GALNT13: variants seen among roughly 807,000 people sequenced by gnomAD.
The protein encoded by GALNT13 is polypeptide N-acetylgalactosaminyltransferase 13, also known as UDP-GalNAc:polypeptide N-acetylgalactosaminyltransferase 13.
GALNT13 carries 28 observed loss-of-function variants against 64.2 expected under a neutral mutation model. The ratio of observed to expected loss-of-function variants is 0.44; its 90% confidence interval spans 0.32 to 0.60. The LOEUF is 0.60. Among genes scored for constraint, GALNT13 ranks in the 20% least tolerant of loss-of-function variants. The probability of loss-of-function intolerance (pLI) is 0.05; values close to 1 mark genes in which losing one functional copy is unlikely to be tolerated. For synonymous variants in GALNT13, 214 were observed against 224.6 expected (o/e 0.95, Z 0.42); for missense variants, 577 against 669.8 (o/e 0.86, Z 1.53).
intron 3 of GALNT13, among the ~76,000 whole-genome samples, chr2:154,119,113 G>T (rs1681778598): frequency 6.6e-6 from 1 of 152,002 alleles, no homozygotes; most frequent in Non-Finnish European, 1.5e-5. Flanking sequence ...CTGTAAGGCA[G>T]GTCTAGTGAT....
intron 9 of GALNT13, among the ~76,000 whole-genome samples, chr2:154,389,287 C>G (rs930828098): frequency 6.6e-6 from 1 of 152,070 alleles, no homozygotes; most frequent in Non-Finnish European, 1.5e-5. Context: ...AGGCACCCAC[C>G]ACAACTGGCC....
At chr2:153,313,678 C>T in the GALNT13 span, among the ~76,000 whole-genome samples, 5 of 152,126 alleles carry the variant, frequency 3.3e-5, no homozygotes, top group Non-Finnish European at 5.9e-5. Context: ...CAAACCTGCA[C>T]ACGTACCTCT....
At chr2:153,951,089 T>C (rs1692146479) in intron 3 of GALNT13, among the ~76,000 whole-genome samples, 2 of 151,984 alleles carry the variant, frequency 1.3e-5, no homozygotes, top group Non-Finnish European at 1.5e-5. Flanking sequence ...ATATGGGAAT[T>C]AGGATGTTGT....
the GALNT13 span, among the ~76,000 whole-genome samples, chr2:153,792,172 T>C: frequency 0.098 from 14,859 of 152,262 alleles, 838 homozygotes; most frequent in African/African-American, 0.15. Context: ...TCTATATGTA[T>C]GTAATTACCA....
chr2:153,197,408 C>T, the GALNT13 span, among the ~76,000 whole-genome samples: 4 of 152,322 alleles, frequency 2.6e-5, no homozygotes, highest in African/African-American at 9.6e-5. Flanking sequence ...AAGCTCCAGG[C>T]ATCCAGAAGA....
the GALNT13 span, among the ~76,000 whole-genome samples, chr2:153,298,485 T>G: frequency 6.6e-6 from 1 of 152,338 alleles, no homozygotes. Flanking sequence ...AGTGGTGATC[T>G]CCTATGTCAG....
intron 3 of GALNT13, among the ~76,000 whole-genome samples, chr2:154,018,507 T>G (rs892196618): frequency 2.6e-5 from 4 of 151,846 alleles, no homozygotes; most frequent in Admixed American, 6.6e-5. Flanking sequence ...TTAGCTTGTG[T>G]GTATAGGAAA....
At chr2:153,804,435 C>T in the GALNT13 span, among the ~76,000 whole-genome samples, 1 of 152,110 alleles carries the variant, frequency 6.6e-6, no homozygotes, top group Admixed American at 6.5e-5. Flanking sequence ...CATCAGCATT[C>T]CAAAGTGTCG....
intron 3 of GALNT13, among the ~76,000 whole-genome samples, chr2:154,076,118 T>G (rs578097923): frequency 1.3e-5 from 2 of 151,766 alleles, no homozygotes; most frequent in African/African-American, 4.8e-5. Flanking sequence ...CTCTTCTTCA[T>G]TATAGTACCC....
At chr2:153,924,869 G>A (rs1203416701) in intron 2 of GALNT13, among the ~76,000 whole-genome samples, 2 of 152,072 alleles carry the variant, frequency 1.3e-5, no homozygotes, top group Non-Finnish European at 2.9e-5. Context: ...TTTGAAAAGT[G>A]TCTGCTCATG....
intron 3 of GALNT13, among the ~76,000 whole-genome samples, chr2:154,133,711 G>A (rs970518935): frequency 2.6e-5 from 4 of 151,398 alleles, no homozygotes; most frequent in Non-Finnish European, 5.9e-5. Context: ...CTGATTGAAT[G>A]CACAGTGGCA....
At chr2:153,497,494 CT>C in the GALNT13 span, among the ~76,000 whole-genome samples, 1 of 125,796 alleles carries the variant, frequency 7.9e-6, no homozygotes, top group Non-Finnish European at 1.8e-5. Flanking sequence ...TCATTAGCTA[CT>C]TTTTATTTTC....
At chr2:153,932,906 G>C (rs2105360220) in intron 2 of GALNT13, among the ~76,000 whole-genome samples, 1 of 152,124 alleles carries the variant, frequency 6.6e-6, no homozygotes, top group East Asian at 1.9e-4. Flanking sequence ...GGGATTACAG[G>C]CATGAGCCAC....
the GALNT13 span, among the ~76,000 whole-genome samples, chr2:153,130,382 G>A: frequency 9.7e-4 from 148 of 152,202 alleles, no homozygotes; most frequent in African/African-American, 3.5e-3. Context: ...GTACAATCTC[G>A]TGAGCTTTAA....
the GALNT13 span, chr2:153,171,961 A>G: frequency 6.6e-6 from 1 of 152,220 alleles, no homozygotes; most frequent in Non-Finnish European, 1.5e-5. Flanking sequence ...AGGAGGAGAC[A>G]TGGTAATCAT....
chr2:153,506,448 T>C, the GALNT13 span, among the ~76,000 whole-genome samples: 1 of 152,208 alleles, frequency 6.6e-6, no homozygotes, highest in Non-Finnish European at 1.5e-5. Context: ...TGAGATTTAC[T>C]GTTTAAGTAG....
the GALNT13 span, among the ~76,000 whole-genome samples, chr2:153,512,888 T>C: frequency 6.6e-6 from 1 of 152,212 alleles, no homozygotes; most frequent in South Asian, 2.1e-4. Context: ...TCCAATTTCA[T>C]TTGAACATTT....
the GALNT13 span, among the ~76,000 whole-genome samples, chr2:153,464,507 G>A: frequency 8.6e-5 from 13 of 151,952 alleles, no homozygotes; most frequent in Admixed American, 3.3e-4. Flanking sequence ...ATATTCTTCC[G>A]GGCTATGTTT....
the GALNT13 span, among the ~76,000 whole-genome samples, chr2:153,495,809 G>A: frequency 2.6e-5 from 4 of 152,084 alleles, no homozygotes; most frequent in African/African-American, 7.3e-5. Flanking sequence ...TGTCTTGTTT[G>A]TGATGGCTGT....
Sources: gnomAD v4.1 joint callset for allele counts (sites outside exome capture counted in the v4.1 genomes callset) on GRCh38, gnomAD v4.1.1 for gene constraint, MANE v1.5 for transcripts, NCBI Gene and HGNC (gene_info 2026-07-23, HGNC 2026-07-21) for gene names.